The following CDH20 variants were observed in gnomAD, a reference collection of about 807,000 sequenced individuals.
CDH20 encodes cadherin-20.
In CDH20, 29 loss-of-function variants were observed where a neutral mutation model predicts 74.2. The observed-to-expected ratio is 0.39, with a 90% CI of 0.29 to 0.53. The LOEUF is 0.53. Among genes scored for constraint, CDH20 ranks in the 20% least tolerant of loss-of-function variants. The pLI is 0.69. For synonymous variants in CDH20, 469 were observed against 405.4 expected (o/e 1.16, Z -1.88); for missense variants, 988 against 1,048.3 (o/e 0.94, Z 0.79).
chr18:61,479,999 A>C (rs1910531789), intron 1 of CDH20, among the ~76,000 whole-genome samples: 2 of 152,200 alleles, frequency 1.3e-5, no homozygotes, highest in South Asian at 4.1e-4. Context: ...ATCTTGAAAA[A>C]GCTGTCACTG....
intron 1 of CDH20, 28 bp downstream of exon 1, chr18:61,333,855 C>G (rs746799958): frequency 6.6e-6 from 1 of 152,232 alleles, no homozygotes; most frequent in Admixed American, 6.5e-5. Context: ...GGTCGGGCCC[C>G]GCTTCTGGGG....
intron 1 of CDH20, among the ~76,000 whole-genome samples, chr18:61,440,529 T>C (rs534231556): frequency 9.4e-4 from 143 of 152,316 alleles, no homozygotes; most frequent in Non-Finnish European, 1.3e-3. Context: ...AACAGACTTA[T>C]GGCTTAAAAC....
In CDH20 at chr18:61,425,509, G is replaced by T. The variant is rs143696226; in HGVS notation, c.-152-64893G>T. 1.2e-4 allele frequency among the ~76,000 whole-genome samples: 18 copies of T among 152,280 alleles called. No homozygotes were observed. In the East Asian group the frequency reaches 3.5e-3, roughly 29 times the overall value. ...CATAGCAAAGGCCTGCCCAGAGCAC[G>T]TTTGTCCCAACTCACTGCAGCATTA... On this transcript the variant is annotated intron_variant, in intron 1 of 11. Coordinates refer to ENST00000262717, the MANE Select transcript of CDH20 (RefSeq NM_031891.4).
At chr18:61,470,444 G>A (rs1188780596) in intron 1 of CDH20, among the ~76,000 whole-genome samples, 1 of 152,204 alleles carries the variant, frequency 6.6e-6, no homozygotes, top group East Asian at 1.9e-4. Flanking sequence ...CCTACTGTGA[G>A]GGAGGCCCTG....
chr18:61,374,822 G>A (rs1372753320), intron 1 of CDH20, among the ~76,000 whole-genome samples: 3 of 152,044 alleles, frequency 2.0e-5, no homozygotes, highest in Admixed American at 2.0e-4. Context: ...AGAGCATTTT[G>A]TAAAGGGTGT....
chr18:61,367,502 C>T (rs1021726945), intron 1 of CDH20, among the ~76,000 whole-genome samples: 28 of 152,120 alleles, frequency 1.8e-4, no homozygotes, highest in Non-Finnish European at 8.8e-5. Context: ...GTCAGCAGAG[C>T]TTCGTTTATT....
intron 1 of CDH20, among the ~76,000 whole-genome samples, chr18:61,410,170 T>C (rs1040684001): frequency 6.6e-6 from 1 of 152,204 alleles, no homozygotes; most frequent in African/African-American, 2.4e-5. Flanking sequence ...TCAACCACTG[T>C]GTTCTCCTTA....
At chr18:61,473,193 A>C (rs78461254) in intron 1 of CDH20, among the ~76,000 whole-genome samples, 4,956 of 152,296 alleles carry the variant, frequency 0.033, 101 homozygotes, top group Non-Finnish European at 0.05. Context: ...ATAGATTTTT[A>C]TCTCTCTCTT....
chr18:61,476,225 G>A (rs779344197), intron 1 of CDH20, among the ~76,000 whole-genome samples: 4 of 152,138 alleles, frequency 2.6e-5, no homozygotes, highest in Non-Finnish European at 5.9e-5. Context: ...CCAGAGCCTT[G>A]ATTGCAACTG....
intron 6 of CDH20, among the ~76,000 whole-genome samples, chr18:61,525,367 C>T (rs919786617): frequency 2.0e-5 from 3 of 152,088 alleles, no homozygotes; most frequent in Admixed American, 6.5e-5. Context: ...ACACAAACAA[C>T]GGTGTCCACA....
intron 6 of CDH20, 63 bp downstream of exon 6, chr18:61,507,623 T>A: frequency 8.1e-7 from 1 of 1,231,150 alleles, no homozygotes; most frequent in South Asian, 1.4e-5. Context: ...GAAATGCTAG[T>A]AAGGACTGTT....
At position 61,526,342 on chromosome 18, in the gene CDH20, C is replaced by T. The variant is rs1217783577; in HGVS notation, c.1018-1625C>T. 3.3e-5 allele frequency among the ~76,000 whole-genome samples: 5 copies of T among 151,638 alleles called. No homozygotes were observed. In the East Asian group the frequency reaches 9.7e-4, roughly 29 times the overall value. On this transcript the variant is annotated intron_variant, in intron 6 of 11. Transcript: ENST00000262717. ...CGATTTTTTTTAAGTAAGAAAATAA[C>T]AAATCTAGTTAAAGCAGCACCTACC...
At chr18:61,342,556 C>T (rs1909987424) in intron 1 of CDH20, among the ~76,000 whole-genome samples, 1 of 152,154 alleles carries the variant, frequency 6.6e-6, no homozygotes, top group South Asian at 2.1e-4. Flanking sequence ...CAGGAAGTCC[C>T]CTATGCATTG....
At chr18:61,527,610 C>T (rs891594185) in intron 6 of CDH20, among the ~76,000 whole-genome samples, 1 of 152,102 alleles carries the variant, frequency 6.6e-6, no homozygotes, top group Non-Finnish European at 1.5e-5. Flanking sequence ...GCAAATTGGG[C>T]CCAGGAGTGA....
intron 1 of CDH20, among the ~76,000 whole-genome samples, chr18:61,384,535 T>C (rs1176855196): frequency 6.6e-6 from 1 of 152,152 alleles, no homozygotes; most frequent in Non-Finnish European, 1.5e-5. Context: ...TGCTAGGCCT[T>C]TGTAGCCAAA....
At chr18:61,467,857 T>A (rs1327019914) in intron 1 of CDH20, among the ~76,000 whole-genome samples, 1 of 152,196 alleles carries the variant, frequency 6.6e-6, no homozygotes, top group Non-Finnish European at 1.5e-5. Flanking sequence ...AGGCTTACGT[T>A]CGCTTACTAG....
At chr18:61,360,155 G>A (rs1718930411) in intron 1 of CDH20, among the ~76,000 whole-genome samples, 2 of 152,098 alleles carry the variant, frequency 1.3e-5, no homozygotes, top group Admixed American at 6.5e-5. Flanking sequence ...TATTCAATGG[G>A]TTACTGTGGA....
intron 1 of CDH20, among the ~76,000 whole-genome samples, chr18:61,416,418 T>A (rs1912686379): frequency 6.6e-6 from 1 of 152,212 alleles, no homozygotes; most frequent in African/African-American, 2.4e-5. Context: ...TTAACAGATA[T>A]ATTTCTCACA....
intron 1 of CDH20, among the ~76,000 whole-genome samples, chr18:61,377,926 G>A (rs1302195088): frequency 6.6e-6 from 1 of 151,964 alleles, no homozygotes; most frequent in African/African-American, 2.4e-5. Flanking sequence ...TCACATTTTT[G>A]AAATGTCAGG....
Sources: allele counts gnomAD v4.1 joint callset (sites outside exome capture counted in the v4.1 genomes callset), GRCh38; gene constraint gnomAD v4.1.1; transcripts MANE v1.5; gene names NCBI Gene and HGNC (gene_info 2026-07-23, HGNC 2026-07-21).